The following DUT variants were observed in gnomAD, a reference collection of about 807,000 sequenced individuals.
The protein encoded by DUT is deoxyuridine triphosphatase.
A neutral mutation model predicts 28.8 loss-of-function variants in DUT; 21 were observed. That is an observed-to-expected ratio of 0.73 (90% CI 0.52 to 1.05). The LOEUF (loss-of-function observed/expected upper bound fraction) is 1.05. DUT is among the 50% of genes least tolerant of loss of function. DUT has a pLI of 0.00. For missense variants in DUT, 344 were observed against 351.8 expected, an observed-to-expected ratio of 0.98 and a Z score of 0.18; for synonymous variants, 147 against 143.7, an observed-to-expected ratio of 1.02 and a Z score of -0.17.
upstream of DUT, chr15:48,331,351 G>A (rs1220692283): frequency 2.7e-6 from 4 of 1,456,330 alleles, no homozygotes; most frequent in African/African-American, 2.9e-5. Context: ...CCCAGGGCCT[G>A]CGCCATCCCT....
chr15:48,331,344 A>G (rs1035284432), upstream of DUT: 35 of 1,449,128 alleles, frequency 2.4e-5, no homozygotes, highest in African/African-American at 5.0e-4. Context: ...CTGGGGCCCC[A>G]GGGCCTGCGC....
At chr15:48,331,831 A>G in intron 1 of DUT, 36 bp downstream of exon 1, 2 of 1,140,478 alleles carry the variant, frequency 1.8e-6, no homozygotes, top group Non-Finnish European at 1.1e-6. Context: ...GGCCGTCTGG[A>G]AGGAATCCAC....
At chr15:48,335,538 T>C (rs1391531120) in intron 3 of DUT, among the ~76,000 whole-genome samples, 2 of 152,210 alleles carry the variant, frequency 1.3e-5, no homozygotes, top group Non-Finnish European at 2.9e-5. Flanking sequence ...GGCTATGGTC[T>C]GCTACTATTT....
chr15:48,331,198 C>G (rs1356213316), upstream of DUT: 1 of 1,520,134 alleles, frequency 6.6e-7, no homozygotes, highest in Non-Finnish European at 8.8e-7. Flanking sequence ...CCAGGTAAAT[C>G]AGTCCAGGAG....
rs28381139 is a variant in DUT, at chr15:48,340,327, G to A, written c.557-962G>A. ...ACTGCTAATAAGGTAGGGGATTTTTGGAGGGAGGGTAATGTAAATGTGCTA... is the reference window on the plus strand; with the variant it reads ...ACTGCTAATAAGGTAGGGGATTTTTAGAGGGAGGGTAATGTAAATGTGCTA... On this transcript the variant is annotated intron_variant, in intron 4 of 6. Coordinates refer to ENST00000331200, the MANE Select transcript of DUT (RefSeq NM_001025248.2). 3.4e-3 allele frequency: 523 copies of A among 152,182 alleles called. 4 individuals are homozygous for A. Among genetic ancestry groups the A allele is most frequent in the Non-Finnish European group, 4.2e-3 (288 of 67,986 alleles). The allele number at this position is 152,182 out of a possible 1,614,324, so 9.4% of individuals were successfully genotyped here.
intron 2 of DUT, among the ~76,000 whole-genome samples, chr15:48,333,834 T>C (rs1321938323): frequency 6.6e-6 from 1 of 152,212 alleles, no homozygotes; most frequent in Non-Finnish European, 1.5e-5. Flanking sequence ...GTTCTTTATC[T>C]CTTATTTTGT....
Position 48,342,306 on chromosome 15 carries a change from C to T in DUT, c.*228C>T, listed in dbSNP as rs763319540. 3.4e-6 allele frequency: 1 copy of T among 290,944 alleles called. No homozygotes were observed. Among genetic ancestry groups the T allele is most frequent in the Non-Finnish European group, 6.2e-6 (1 of 160,908 alleles). 18.0% of individuals were successfully genotyped at this position (290,944 alleles called of 1,614,324 possible). On this transcript the variant is annotated 3_prime_UTR_variant, in exon 7 of 7. Coordinates refer to ENST00000331200, the MANE Select transcript of DUT (RefSeq NM_001025248.2). Reference sequence around the variant, plus strand: ...GGATCAAAAAGAAACTTTGTTTTTCCGCAATTGAAGGTTGTATGTAAATCT... The same window carrying T: ...GGATCAAAAAGAAACTTTGTTTTTCTGCAATTGAAGGTTGTATGTAAATCT...
intron 4 of DUT, among the ~76,000 whole-genome samples, chr15:48,339,336 T>C (rs1374656670): frequency 6.6e-6 from 1 of 152,190 alleles, no homozygotes; most frequent in Non-Finnish European, 1.5e-5. Context: ...TTAAAAATTT[T>C]TGAATAAAGT....
chr15:48,331,954 G>A (rs2042417854), intron 1 of DUT, 159 bp downstream of exon 1: 2 of 889,734 alleles, frequency 2.2e-6, no homozygotes, highest in African/African-American at 1.8e-5. Context: ...GCTTTCTAGT[G>A]TGTGAGGGCG....
intron 1 of DUT, 170 bp from the exon 2 acceptor site, chr15:48,332,098 C>T (rs2042420463): frequency 4.4e-6 from 6 of 1,351,376 alleles, no homozygotes; most frequent in African/African-American, 1.5e-5. Context: ...CCCGCCTCCC[C>T]TCTCAGCCAG....
In DUT at chr15:48,342,143, TG is replaced by T. The variant is rs2042544476; in HGVS notation, c.*66del. On this transcript the variant is annotated 3_prime_UTR_variant, in exon 7 of 7. Transcript: ENST00000331200. ...TTCTTAAAAAAAAAAAAAAAGTTTT[TG>T]CTTCAAGTGTTTTGGTGTTTTGCAC... is the stretch of plus-strand genomic sequence containing the variant. 8.7e-7 allele frequency: 1 copy of T among 1,155,208 alleles called. No individual in the cohort carries two copies. Among genetic ancestry groups the T allele is most frequent in the East Asian group, 2.7e-5 (1 of 37,426 alleles). 71.6% of individuals were successfully genotyped at this position (1,155,208 alleles called of 1,614,324 possible).
Position 48,331,706 on chromosome 15 carries a change from G to A in DUT, c.191G>A (p.Ser64Asn), listed in dbSNP as rs2042412536. 1 of 1,511,970 alleles carries A rather than the reference G, an allele frequency of 6.6e-7. No individual in the cohort carries two copies. Among genetic ancestry groups the A allele is most frequent in the Non-Finnish European group, 8.8e-7 (1 of 1,131,946 alleles). The allele number at this position is 1,511,970 out of a possible 1,614,324, so 93.7% of individuals were successfully genotyped here. A position where few individuals can be genotyped will look rare whatever the true frequency, so the allele number is the denominator to read the frequency against. ...CCGCTGTCCAGCGCTGGCCGCCTGA[G>A]CCAAGGCTGCCGCGGAGCCAGTACA... ...PRPLSSAGRL[S>N]QGCRGASTVG... The change falls in exon 1 of 7, where the codon AGC becomes AAC. Residue 64 changes from serine to asparagine, a missense_variant. Transcript: ENST00000331200.
At position 48,342,716 on chromosome 15, in the gene DUT, T is replaced by C. The variant is rs1410018552; in HGVS notation, c.*638T>C. On this transcript the variant is annotated 3_prime_UTR_variant, in exon 7 of 7. Coordinates refer to ENST00000331200, the MANE Select transcript of DUT (RefSeq NM_001025248.2). ...ATCCTCTATTGACTGGGTAGAGGTA[T>C]GTTTGTGAAAGACATGTAACTTGGG... The C allele has an allele frequency of 9.2e-5, 14 of 152,232 alleles. No homozygotes were observed. Among genetic ancestry groups the C allele is most frequent in the Admixed American group, 9.2e-4 (14 of 15,284 alleles). The allele number at this position is 152,232 out of a possible 1,614,324, so 9.4% of individuals were successfully genotyped here. A position where few individuals can be genotyped will look rare whatever the true frequency, so the allele number is the denominator to read the frequency against.
Position 48,342,694 on chromosome 15 carries a change from C to G in DUT, c.*616C>G. On this transcript the variant is annotated 3_prime_UTR_variant, in exon 7 of 7. Transcript: ENST00000331200. Reference sequence around the variant, plus strand: ...CTATTAATCTTTCTTTTGATAAATCCTCTATTGACTGGGTAGAGGTATGTT... The same window carrying G: ...CTATTAATCTTTCTTTTGATAAATCGTCTATTGACTGGGTAGAGGTATGTT... 6.6e-6 allele frequency: 1 copy of G among 152,068 alleles called. No individual in the cohort carries two copies. Among genetic ancestry groups the G allele is most frequent in the East Asian group, 1.9e-4 (1 of 5,192 alleles). The allele number at this position is 152,068 out of a possible 1,614,324, so 9.4% of individuals were successfully genotyped here.
rs1270993219 is a variant in DUT at position 48,343,349 on chromosome 15, T to A, written c.*1271T>A. The A allele has an allele frequency of 6.6e-6, 1 of 152,206 alleles. No homozygotes were observed. The highest frequency in any genetic ancestry group is 1.9e-4 in the East Asian group (1 of 5,202). 9.4% of individuals were successfully genotyped at this position (152,206 alleles called of 1,614,324 possible). ...TAAAATATTTCTGTTGTCAATAAAT[T>A]TTAAATGTTTTCCTGCTAAACTAAC... On this transcript the variant is annotated 3_prime_UTR_variant, in exon 7 of 7. Transcript: ENST00000331200.
rs1440423485 is a variant in DUT at position 48,332,344 on chromosome 15, C to T, written c.357C>T (p.Leu119=). The T allele has an allele frequency of 1.2e-6, 2 of 1,606,422 alleles. No homozygotes were observed. The highest frequency in any genetic ancestry group is 8.5e-7 in the Non-Finnish European group (1 of 1,177,432). ...VGGMQLRFAR[L]SEHATAPTRG... ...GCATGCAGCTCCGCTTTGCCCGGCT[C>T]TCCGAGCACGCCACGGCCCCCACCC... is the stretch of plus-strand genomic sequence containing the variant. The change falls in exon 2 of 7, where the codon CTC becomes CTT. Residue 119 remains leucine (L), a synonymous_variant. Coordinates refer to ENST00000331200, the MANE Select transcript of DUT (RefSeq NM_001025248.2).
At position 48,336,150 on chromosome 15, in the gene DUT, G is replaced by C. The variant is rs1253538860; in HGVS notation, c.556+60G>C. 27 of 1,361,138 alleles carry C rather than the reference G, an allele frequency of 2.0e-5. No individual in the cohort carries two copies. The Admixed American group carries it at 6.9e-4, about 35-fold the overall frequency. 84.3% of individuals were successfully genotyped at this position (1,361,138 alleles called of 1,614,324 possible). On this transcript the variant is annotated intron_variant, in intron 4 of 6. Transcript: ENST00000331200. ...GCAAGTATTTACTTTGTCTTTAAAAGGTAATATTCAAATGACAGATTTTAT... is the reference window on the plus strand; with the variant it reads ...GCAAGTATTTACTTTGTCTTTAAAACGTAATATTCAAATGACAGATTTTAT...
intron 3 of DUT, 34 bp from the exon 4 acceptor site, chr15:48,336,012 T>C: frequency 6.3e-7 from 1 of 1,593,872 alleles, no homozygotes; most frequent in Non-Finnish European, 8.5e-7. Context: ...CCTTCCCCCT[T>C]AAAATAACCA....
intron 2 of DUT, 165 bp downstream of exon 2, chr15:48,332,571 G>A (rs1036116257): frequency 2.7e-6 from 2 of 741,122 alleles, no homozygotes; most frequent in African/African-American, 1.8e-5. Context: ...AAATTAAATA[G>A]AGATTTGGGC....
Sources: gnomAD v4.1 joint callset for allele counts (sites outside exome capture counted in the v4.1 genomes callset) on GRCh38, gnomAD v4.1.1 for gene constraint, MANE v1.5 for transcripts, NCBI Gene and HGNC (gene_info 2026-07-23, HGNC 2026-07-21) for gene names.